FTCDNL1: variants seen among roughly 807,000 people sequenced by gnomAD.
FTCDNL1 encodes the protein formiminotransferase N-terminal subdomain-containing protein.
A neutral mutation model predicts 5.9 loss-of-function variants in FTCDNL1; 11 were observed. The observed-to-expected ratio is 1.87, with a 90% confidence interval of 1.18 to 3.10. FTCDNL1 has a LOEUF of 3.10. Among genes scored for constraint, FTCDNL1 ranks in the 30% most tolerant of loss-of-function variants. FTCDNL1 has a pLI of 0.00. For missense variants in FTCDNL1, 115 were observed against 65.5 expected (o/e 1.76, Z -2.61); for synonymous variants, 58 against 24.8 (o/e 2.34, Z -3.99).
intron 3 of FTCDNL1, among the ~76,000 whole-genome samples, chr2:199,770,227 T>C (rs767751533): frequency 1.6e-4 from 24 of 152,210 alleles, no homozygotes; most frequent in Non-Finnish European, 2.6e-4. Flanking sequence ...TCCTTAGCGA[T>C]CACACCTTGA....
the FTCDNL1 span, among the ~76,000 whole-genome samples, chr2:199,705,269 A>G: frequency 6.6e-6 from 1 of 152,202 alleles, no homozygotes; most frequent in Admixed American, 6.5e-5. Context: ...ATGGGCTGAG[A>G]TAGTACTGGA....
chr2:199,720,148 T>C, the FTCDNL1 span, among the ~76,000 whole-genome samples: 1 of 152,204 alleles, frequency 6.6e-6, no homozygotes, highest in South Asian at 2.1e-4. Context: ...TCTAGGCATA[T>C]GATCATACCA....
At chr2:199,756,260 G>A (rs1376062665), downstream of FTCDNL1, among the ~76,000 whole-genome samples, 1 of 152,152 alleles carries the variant, frequency 6.6e-6, no homozygotes, top group African/African-American at 2.4e-5. Context: ...TAAATAAAGT[G>A]ATAGAACAAT....
At chr2:199,673,243 G>A in the FTCDNL1 span, among the ~76,000 whole-genome samples, 1 of 145,484 alleles carries the variant, frequency 6.9e-6, no homozygotes, top group African/African-American at 2.6e-5. Flanking sequence ...CAGGAGAATT[G>A]CTTAGACCTG....
rs190656794 is a variant in FTCDNL1 at position 199,835,245 on chromosome 2, C to G, written c.211+10830G>C. 4.6e-5 allele frequency among the ~76,000 whole-genome samples: 7 copies of G among 152,232 alleles called. No individual in the cohort carries two copies. In the East Asian group the frequency reaches 1.2e-3, roughly 25 times the overall value. ...ATTGTCACTATAACAATCCTATAAT[C>G]CCCTCAAGGTAGGTAACTCAGACAG... On this transcript the variant is annotated intron_variant, in intron 3 of 4. Coordinates refer to ENST00000420128, the MANE Select transcript of FTCDNL1 (RefSeq NM_001363886.2).
the FTCDNL1 span, among the ~76,000 whole-genome samples, chr2:199,711,732 C>T: frequency 1.1e-4 from 16 of 152,166 alleles, no homozygotes; most frequent in Middle Eastern, 3.2e-3. Context: ...AGGGACATTG[C>T]AGTCCTCTAG....
chr2:199,693,241 G>A, the FTCDNL1 span, among the ~76,000 whole-genome samples: 6 of 152,314 alleles, frequency 3.9e-5, 1 homozygote, highest in Middle Eastern at 6.8e-3. Flanking sequence ...ATCTGCCAAT[G>A]ATTATGACGT....
At chr2:199,719,530 A>T in the FTCDNL1 span, among the ~76,000 whole-genome samples, 1 of 152,136 alleles carries the variant, frequency 6.6e-6, no homozygotes, top group African/African-American at 2.4e-5. Context: ...TTTTATATGA[A>T]TTTTAGGGTT....
chr2:199,677,075 C>T, the FTCDNL1 span, among the ~76,000 whole-genome samples: 104 of 152,212 alleles, frequency 6.8e-4, no homozygotes, highest in African/African-American at 2.4e-3. Context: ...TTACAGGGCC[C>T]TGGAGAAGCG....
At chr2:199,736,703 C>T in the FTCDNL1 span, among the ~76,000 whole-genome samples, 5 of 152,202 alleles carry the variant, frequency 3.3e-5, no homozygotes, top group African/African-American at 1.2e-4. Flanking sequence ...ACAGGAAGAA[C>T]TTGACTAGTG....
chr2:199,686,636 T>C, the FTCDNL1 span, among the ~76,000 whole-genome samples: 1 of 152,178 alleles, frequency 6.6e-6, no homozygotes, highest in African/African-American at 2.4e-5. Context: ...GCTTTTGATA[T>C]ACAGAAGTGA....
chr2:199,709,526 G>T, the FTCDNL1 span, among the ~76,000 whole-genome samples: 3 of 152,124 alleles, frequency 2.0e-5, no homozygotes, highest in Non-Finnish European at 4.4e-5. Context: ...AACTGACAAA[G>T]GAGACTGAGA....
the FTCDNL1 span, among the ~76,000 whole-genome samples, chr2:199,667,279 T>C: frequency 3.9e-5 from 6 of 152,084 alleles, no homozygotes; most frequent in Non-Finnish European, 7.4e-5. Flanking sequence ...CTTTGAAAGG[T>C]CTAGGCATTG....
intron 3 of FTCDNL1, among the ~76,000 whole-genome samples, chr2:199,821,389 T>C (rs1405603345): frequency 6.6e-6 from 1 of 151,258 alleles, no homozygotes; most frequent in African/African-American, 2.4e-5. Context: ...CTTGAACTCC[T>C]GACCTCGTGA....
chr2:199,695,265 A>G, the FTCDNL1 span, among the ~76,000 whole-genome samples: 7 of 152,330 alleles, frequency 4.6e-5, no homozygotes, highest in African/African-American at 1.7e-4. Flanking sequence ...ATAATCTACC[A>G]CACATGTTTT....
chr2:199,837,431 C>A (rs2106621146), intron 3 of FTCDNL1, among the ~76,000 whole-genome samples: 1 of 152,216 alleles, frequency 6.6e-6, no homozygotes, highest in East Asian at 1.9e-4. Context: ...ATATCAGAAC[C>A]CAGCATCTAA....
chr2:199,692,866 T>C, the FTCDNL1 span, among the ~76,000 whole-genome samples: 4 of 152,274 alleles, frequency 2.6e-5, no homozygotes, highest in African/African-American at 9.6e-5. Context: ...AATTTATTTT[T>C]GTATTGTCTT....
At chr2:199,721,305 T>C in the FTCDNL1 span, among the ~76,000 whole-genome samples, 3 of 152,100 alleles carry the variant, frequency 2.0e-5, no homozygotes, top group Non-Finnish European at 2.9e-5. Context: ...CAGTATGTGT[T>C]GTTCCCTCCC....
the FTCDNL1 span, among the ~76,000 whole-genome samples, chr2:199,684,191 T>A: frequency 1.3e-5 from 2 of 152,360 alleles, no homozygotes; most frequent in African/African-American, 4.8e-5. Flanking sequence ...ATTCACACTA[T>A]AGCAGCAATT....
Sources: allele counts gnomAD v4.1 joint callset (sites outside exome capture counted in the v4.1 genomes callset), GRCh38; gene constraint gnomAD v4.1.1; transcripts MANE v1.5; gene names NCBI Gene and HGNC (gene_info 2026-07-23, HGNC 2026-07-21).